RBM34: variants seen among roughly 807,000 people sequenced by gnomAD.
RBM34 encodes RNA-binding protein 34.
Under a neutral mutation model 44.6 loss-of-function variants are expected in RBM34, and 39 were observed. The ratio of observed to expected loss-of-function variants is 0.87; its 90% CI spans 0.68 to 1.14. The LOEUF (loss-of-function observed/expected upper bound fraction) is 1.14. RBM34 is among the 50% of genes most tolerant of loss of function. The pLI, the probability that RBM34 is intolerant of heterozygous loss-of-function variation, is 0.00. For synonymous variants in RBM34, 194 were observed against 184.0 expected, an observed-to-expected ratio of 1.05 and a Z score of -0.44; for missense variants, 572 against 517.9, an observed-to-expected ratio of 1.10 and a Z score of -1.01.
At chr1:235,145,186 T>C (rs1047065727) in intron 6 of RBM34, among the ~76,000 whole-genome samples, 43 of 152,070 alleles carry the variant, frequency 2.8e-4, no homozygotes, top group African/African-American at 1.0e-3. Context: ...CACAAATGAC[T>C]CTTAAATTAC....
chr1:235,133,279 T>C (rs972531363), intron 10 of RBM34, among the ~76,000 whole-genome samples: 1 of 152,228 alleles, frequency 6.6e-6, no homozygotes, highest in African/African-American at 2.4e-5. Context: ...AGGCAGAGGC[T>C]GCAGTGAGCT....
At chr1:235,137,607 C>G (rs141152683) in intron 8 of RBM34, among the ~76,000 whole-genome samples, 25 of 151,064 alleles carry the variant, frequency 1.7e-4, no homozygotes, top group African/African-American at 5.8e-4. Context: ...AACTCCTGGG[C>G]TCAAGTGATC....
intron 6 of RBM34, among the ~76,000 whole-genome samples, chr1:235,147,846 C>T (rs1392611428): frequency 1.3e-5 from 2 of 151,904 alleles, no homozygotes; most frequent in Admixed American, 6.6e-5. Context: ...TAATAGGAAA[C>T]CGGCATAAAG....
chr1:235,132,068 C>A, intron 10 of RBM34, 71 bp from the exon 11 acceptor site: 1 of 1,402,946 alleles, frequency 7.1e-7, no homozygotes. Flanking sequence ...GAAAGTGTCA[C>A]TTTAACAGAT....
chr1:235,154,589 C>A (rs1662314984), intron 4 of RBM34, among the ~76,000 whole-genome samples: 1 of 151,978 alleles, frequency 6.6e-6, no homozygotes, highest in Admixed American at 6.6e-5. Flanking sequence ...GGAAAGACAT[C>A]TTTAAACATA....
At chr1:235,134,969 C>G (rs1327836067) in intron 10 of RBM34, among the ~76,000 whole-genome samples, 1 of 151,840 alleles carries the variant, frequency 6.6e-6, no homozygotes, top group Non-Finnish European at 1.5e-5. Flanking sequence ...GTCTCGAATT[C>G]CCGACTTCAG....
intron 8 of RBM34, among the ~76,000 whole-genome samples, chr1:235,136,563 C>G (rs1280333746): frequency 1.3e-5 from 2 of 152,172 alleles, no homozygotes; most frequent in Admixed American, 1.3e-4. Context: ...TACTGGGTCC[C>G]CAAGTCAAGC....
At chr1:235,136,890 G>A (rs1572143847) in intron 8 of RBM34, among the ~76,000 whole-genome samples, 1 of 152,190 alleles carries the variant, frequency 6.6e-6, no homozygotes, top group African/African-American at 2.4e-5. Context: ...TCTCCTGAGT[G>A]AATTAGTTTC....
intron 10 of RBM34, 142 bp downstream of exon 10, chr1:235,135,510 T>C (rs1425094141): frequency 1.4e-6 from 1 of 738,056 alleles, no homozygotes; most frequent in African/African-American, 1.7e-5. Flanking sequence ...ATTACAGGCA[T>C]GAGTCACTGC....
At chr1:235,150,884 C>A (rs1327367523) in intron 5 of RBM34, among the ~76,000 whole-genome samples, 1 of 152,058 alleles carries the variant, frequency 6.6e-6, no homozygotes, top group East Asian at 1.9e-4. Flanking sequence ...AAGGTAGGCT[C>A]CCCAAAGGGG....
At chr1:235,134,422 A>G (rs1661329574) in intron 10 of RBM34, among the ~76,000 whole-genome samples, 1 of 152,092 alleles carries the variant, frequency 6.6e-6, no homozygotes, top group South Asian at 2.1e-4. Flanking sequence ...CAGCCCTCCA[A>G]AGTGCTGGGA....
chr1:235,141,926 C>T (rs992089930), intron 6 of RBM34, among the ~76,000 whole-genome samples: 5 of 152,170 alleles, frequency 3.3e-5, no homozygotes, highest in East Asian at 1.9e-4. Flanking sequence ...CGCGAGGGTC[C>T]GCGGCTTCAT....
At chr1:235,160,436 G>A (rs1662656180) in intron 3 of RBM34, 75 bp downstream of exon 3, 1 of 1,482,266 alleles carries the variant, frequency 6.7e-7, no homozygotes, top group Non-Finnish European at 9.3e-7. Flanking sequence ...AAATAAAACT[G>A]ACGAATATTC....
At chr1:235,137,016 A>G (rs1661458636) in intron 8 of RBM34, among the ~76,000 whole-genome samples, 1 of 152,150 alleles carries the variant, frequency 6.6e-6, no homozygotes, top group Non-Finnish European at 1.5e-5. Context: ...TCCACAGGGT[A>G]AGGTCTATCT....
chr1:235,143,876 G>C (rs1470815950), intron 6 of RBM34, among the ~76,000 whole-genome samples: 2 of 152,118 alleles, frequency 1.3e-5, no homozygotes, highest in African/African-American at 2.4e-5. Context: ...CCAATGCATT[G>C]CAATAATAAG....
rs764341863 is a variant in RBM34, at chr1:235,161,007, G to T, written c.114C>A (p.Val38=). ...GTTCGCCGCGAAATAAGCTACTGGCGACCTGTCCAAGCCTGTAGTCTTCCG... is the reference window on the plus strand; with the variant it reads ...GTTCGCCGCGAAATAAGCTACTGGCTACCTGTCCAAGCCTGTAGTCTTCCG... ...SPPEDYRLGQ[V]ASSLFRGEHH... Residue 38 remains valine, a synonymous_variant, in exon 2 of 11, where the codon GTC becomes GTA. Transcript: ENST00000408888. The T allele has an allele frequency of 6.2e-7, 1 of 1,614,106 alleles. No individual in the cohort carries two copies. The highest frequency in any genetic ancestry group is 8.5e-7 in the Non-Finnish European group (1 of 1,180,040).
Position 235,145,016 on chromosome 1 carries a change from C to T in RBM34, c.701+3388G>A, listed in dbSNP as rs373213833. On this transcript the variant is annotated intron_variant, in intron 6 of 10. Transcript: ENST00000408888. ...TGAGATCACGCCATTGCACTCCAGC[C>T]TGGGCAACAAGAGCAAAACTCCGTC... 2.6e-5 allele frequency among the ~76,000 whole-genome samples: 4 copies of T among 152,110 alleles called. No individual in the cohort carries two copies. The East Asian group carries it at 7.7e-4, about 29-fold the overall frequency.
intron 6 of RBM34, among the ~76,000 whole-genome samples, chr1:235,141,684 G>A (rs897776970): frequency 6.6e-5 from 10 of 152,122 alleles, no homozygotes; most frequent in African/African-American, 1.9e-4. Flanking sequence ...AACACTCACC[G>A]CAAAGATCTG....
intron 5 of RBM34, 190 bp downstream of exon 5, chr1:235,152,516 T>G: frequency 7.5e-7 from 1 of 1,324,648 alleles, no homozygotes; most frequent in Non-Finnish European, 9.7e-7. Context: ...TTAAGTAAAC[T>G]CAATACATTA....
Sources: allele counts gnomAD v4.1 joint callset (sites outside exome capture counted in the v4.1 genomes callset), GRCh38; gene constraint gnomAD v4.1.1; transcripts MANE v1.5; gene names NCBI Gene and HGNC (gene_info 2026-07-23, HGNC 2026-07-21).